SLC2A5: variants seen among roughly 807,000 people sequenced by gnomAD.
The protein encoded by SLC2A5 is solute carrier family 2, facilitated glucose transporter member 5.
SLC2A5 carries 56 observed loss-of-function variants against 50.3 expected under a neutral mutation model. The observed-to-expected ratio is 1.11, with a 90% CI of 0.90 to 1.39. SLC2A5 has a LOEUF of 1.39. Ranked by LOEUF, SLC2A5 falls within the 40% of genes most tolerant of loss-of-function variation. The pLI is 0.00. For synonymous variants in SLC2A5, 269 were observed against 281.9 expected, an observed-to-expected ratio of 0.95 and a Z score of 0.46; for missense variants, 566 against 650.1, an observed-to-expected ratio of 0.87 and a Z score of 1.41.
At chr1:9,045,684 A>G (rs1479379680) in intron 4 of SLC2A5, among the ~76,000 whole-genome samples, 3 of 152,054 alleles carry the variant, frequency 2.0e-5, no homozygotes, top group Admixed American at 2.0e-4. Context: ...AGCTTGGCCA[A>G]CATAGTGAAA....
upstream of SLC2A5, among the ~76,000 whole-genome samples, chr1:9,071,427 C>G (rs1236481513): frequency 3.3e-5 from 5 of 152,158 alleles, no homozygotes; most frequent in Non-Finnish European, 7.3e-5. Context: ...ATCCTCCCCC[C>G]AAAAATAATC....
rs1641254482 is a variant in SLC2A5 at position 9,039,937 on chromosome 1, T to C, written c.748A>G (p.Ile250Val). 6.2e-7 allele frequency: 1 copy of C among 1,612,792 alleles called. No individual in the cohort carries two copies. Among genetic ancestry groups the C allele is most frequent in the Admixed American group, 1.7e-5 (1 of 59,990 alleles). ...WDSVDREVAEIRQEDEAEKAA... is the reference protein window; with the variant it reads ...WDSVDREVAEVRQEDEAEKAA... The stretch of plus-strand genomic sequence containing the variant: ...TTCTCTGCCTCATCCTCCTGCCGGA[T>C]CTCGGCCACCTCCCTGTCCACAGAG... The change falls in exon 7 of 12, where the codon ATC becomes GTC. Residue 250 changes from isoleucine to valine, a missense_variant. Transcript: ENST00000377424.
chr1:9,063,462 T>C (rs1053700132), intron 1 of SLC2A5, among the ~76,000 whole-genome samples: 4 of 151,668 alleles, frequency 2.6e-5, no homozygotes, highest in African/African-American at 9.7e-5. Context: ...AGCCTCCACC[T>C]CCTCGGTTCA....
chr1:9,089,373 G>C (rs1003290635), upstream of SLC2A5, among the ~76,000 whole-genome samples: 4 of 152,136 alleles, frequency 2.6e-5, no homozygotes, highest in South Asian at 6.2e-4. Context: ...CCAGAATCTA[G>C]AGAAGGTCAA....
In SLC2A5 at chr1:9,063,681, C is replaced by CTTTTTTT. The variant is rs70985579; in HGVS notation, c.34-5438_34-5432dup. On this transcript the variant is annotated intron_variant, in intron 1 of 11. Coordinates refer to ENST00000377424, the MANE Select transcript of SLC2A5 (RefSeq NM_003039.3). ...AGCCAACACATCAGGCTATTATTTA[C>CTTTTTTT]TTTTTTTTTTTTTTTTTTTTTTTTT... Among the ~76,000 whole-genome samples the CTTTTTTT allele has an allele frequency of 2.4e-4, 11 of 45,174 alleles. 1 individual carries two copies. Among genetic ancestry groups the CTTTTTTT allele is most frequent in the African/African-American group, 9.9e-4 (9 of 9,100 alleles). 29.6% of individuals were successfully genotyped at this position (45,174 alleles called of 152,430 possible).
At chr1:9,092,967 G>C (rs1359831486), upstream of SLC2A5, among the ~76,000 whole-genome samples, 2 of 152,124 alleles carry the variant, frequency 1.3e-5, no homozygotes, top group African/African-American at 4.8e-5. Flanking sequence ...TCCCACGTAA[G>C]CCTCTAATGC....
chr1:9,069,567 C>T lies in SLC2A5; in HGVS notation c.-31G>A. 2 of 1,613,736 alleles carry T rather than the reference C, an allele frequency of 1.2e-6. No individual in the cohort carries two copies. Among genetic ancestry groups the T allele is most frequent in the Non-Finnish European group, 1.7e-6 (2 of 1,179,838 alleles). On this transcript the variant is annotated 5_prime_UTR_variant, in exon 1 of 12. The change creates a new upstream start codon in the 5' untranslated region. Coordinates refer to ENST00000377424, the MANE Select transcript of SLC2A5 (RefSeq NM_003039.3). ...CTCTGGAAGGGCAGAGTGCCGCTCA[C>T]CTCCTTTTAGCCAAAGTAACGCGTG...
rs755203801 is a variant in SLC2A5, at chr1:9,068,189, CAA to C, written c.33+1313_33+1314del. Among the ~76,000 whole-genome samples, 84 of 77,064 alleles carry C rather than the reference CAA, an allele frequency of 1.1e-3. 1 individual carries two copies. The highest frequency in any genetic ancestry group is 3.3e-3 in the South Asian group (7 of 2,132). 50.6% of individuals were successfully genotyped at this position (77,064 alleles called of 152,430 possible). A position where few individuals can be genotyped will look rare whatever the true frequency, so the allele number is the denominator to read the frequency against. On this transcript the variant is annotated intron_variant, in intron 1 of 11. Coordinates refer to ENST00000377424, the MANE Select transcript of SLC2A5 (RefSeq NM_003039.3). ...TGGGTGACAGAGCAAGACTCTGTGT[CAA>C]AAAAAAAAAAAAAAAAAAGCGAGAG...
At position 9,058,298 on chromosome 1, in the gene SLC2A5, G is replaced by A. The variant is rs200502047; in HGVS notation, c.34-48C>T. ...CAGGAAGCAGCCCCAGGGTTCCAGGGCCCTCCCGCTTTACTTCGGTTTCGT... is the reference window on the plus strand; with the variant it reads ...CAGGAAGCAGCCCCAGGGTTCCAGGACCCTCCCGCTTTACTTCGGTTTCGT... On this transcript the variant is annotated intron_variant, in intron 1 of 11. Transcript: ENST00000377424. 3.1e-5 allele frequency: 41 copies of A among 1,321,316 alleles called. No individual in the cohort carries two copies. In the Middle Eastern group the frequency reaches 5.4e-4, roughly 18 times the overall value. 81.8% of individuals were successfully genotyped at this position (1,321,316 alleles called of 1,614,324 possible).
chr1:9,046,702 A>G (rs1212817046), intron 4 of SLC2A5, among the ~76,000 whole-genome samples: 6 of 130,714 alleles, frequency 4.6e-5, no homozygotes, highest in Admixed American at 7.8e-5. Flanking sequence ...GTGTGTGTGT[A>G]TGTGAAACAA....
chr1:9,085,170 T>G (rs1183944143), intron 1 of SLC2A5: 1 of 152,296 alleles, frequency 6.6e-6, no homozygotes, highest in Non-Finnish European at 1.5e-5. Context: ...AGTCAAACTG[T>G]AAAATATTTT....
chr1:9,055,895 G>A (rs750016722), intron 3 of SLC2A5, among the ~76,000 whole-genome samples: 111 of 152,152 alleles, frequency 7.3e-4, no homozygotes, highest in Non-Finnish European at 1.4e-3. Context: ...CAGCCTGGGC[G>A]TCAGAGCAAG....
chr1:9,087,728 C>T (rs556546867), intron 1 of SLC2A5, among the ~76,000 whole-genome samples: 79 of 152,212 alleles, frequency 5.2e-4, no homozygotes, highest in Middle Eastern at 6.8e-3. Context: ...GACTGTGAGA[C>T]TCGGGCCAGG....
At chr1:9,052,047 A>T (rs949888302) in intron 3 of SLC2A5, among the ~76,000 whole-genome samples, 1 of 152,202 alleles carries the variant, frequency 6.6e-6, no homozygotes, top group Admixed American at 6.5e-5. Flanking sequence ...GCACCTTGGG[A>T]GGCCGAGGTG....
chr1:9,051,454 A>G (rs1641575419), intron 3 of SLC2A5, among the ~76,000 whole-genome samples: 1 of 152,230 alleles, frequency 6.6e-6, no homozygotes, highest in South Asian at 2.1e-4. Context: ...TAAAACTTAA[A>G]AAGAAAACAA....
chr1:9,084,141 CAA>C (rs1330386993), intron 2 of SLC2A5, among the ~76,000 whole-genome samples: 1 of 137,556 alleles, frequency 7.3e-6, no homozygotes. Context: ...GACTCCGTCT[CAA>C]AAAAAAAAAA....
intron 2 of SLC2A5, among the ~76,000 whole-genome samples, chr1:9,079,723 G>T (rs570158506): frequency 6.6e-6 from 1 of 152,310 alleles, no homozygotes; most frequent in African/African-American, 2.4e-5. Context: ...CCGACCTCAG[G>T]TGATCTGCCC....
At chr1:9,091,954 G>A (rs907775957), upstream of SLC2A5, among the ~76,000 whole-genome samples, 11 of 152,026 alleles carry the variant, frequency 7.2e-5, no homozygotes, top group Non-Finnish European at 1.5e-4. Context: ...TATATACACC[G>A]ATTCTAAATA....
upstream of SLC2A5, among the ~76,000 whole-genome samples, chr1:9,070,672 G>C (rs989349758): frequency 6.6e-6 from 1 of 152,128 alleles, no homozygotes; most frequent in Non-Finnish European, 1.5e-5. Context: ...AGTTCTATTT[G>C]CTGTGGCGTA....
Sources: allele counts gnomAD v4.1 joint callset (sites outside exome capture counted in the v4.1 genomes callset), GRCh38; gene constraint gnomAD v4.1.1; transcripts MANE v1.5; gene names NCBI Gene and HGNC (gene_info 2026-07-23, HGNC 2026-07-21).